The following IL17RB variants were observed in gnomAD, a reference collection of about 807,000 sequenced individuals.
The protein encoded by IL17RB is interleukin 17 receptor B, also known as interleukin-17 receptor B.
In IL17RB, 36 loss-of-function variants were observed where a neutral mutation model predicts 43.9. The ratio of observed to expected loss-of-function variants is 0.82; its 90% confidence interval spans 0.63 to 1.08. The LOEUF is 1.08. IL17RB is among the 50% of genes least tolerant of loss of function. The probability of loss-of-function intolerance (pLI) is 0.00; values close to 1 mark genes in which losing one functional copy is unlikely to be tolerated. For missense variants in IL17RB, 613 were observed against 613.6 expected, an observed-to-expected ratio of 1.00 and a Z score of 0.01; for synonymous variants, 225 against 225.4, an observed-to-expected ratio of 1.00 and a Z score of 0.02.
At chr3:53,848,831 C>T (rs975026661) in intron 2 of IL17RB, 143 bp downstream of exon 2, 2 of 910,402 alleles carry the variant, frequency 2.2e-6, no homozygotes, top group African/African-American at 1.6e-5. Context: ...GATGAAGTCT[C>T]TGTCTGCTCG....
At chr3:53,857,295 G>A (rs2107018043) in intron 7 of IL17RB, among the ~76,000 whole-genome samples, 1 of 152,212 alleles carries the variant, frequency 6.6e-6, no homozygotes, top group East Asian at 1.9e-4. Flanking sequence ...TTTTTGGGGG[G>A]CGGAGGTTGA....
At chr3:53,858,208 C>A in intron 8 of IL17RB, 1 of 297,640 alleles carries the variant, frequency 3.4e-6, no homozygotes. Flanking sequence ...TGGGACACAG[C>A]CACTCCCCAA....
rs1559779002 is a variant in IL17RB, at chr3:53,856,848, C to G, written c.534C>G (p.Ser178Arg). 6.2e-7 allele frequency: 1 copy of G among 1,614,100 alleles called. No individual in the cohort carries two copies. Among genetic ancestry groups the G allele is most frequent in the Non-Finnish European group, 8.5e-7 (1 of 1,180,002 alleles). Reference protein sequence around the residue: ...KYKKKCVKAGSLWDPNITACK... With the variant: ...KYKKKCVKAGRLWDPNITACK... ...TGGTTCTCTCTCAACTCACAGGAAG[C>G]CTGTGGGATCCGAACATCACTGCTT... is the stretch of plus-strand genomic sequence containing the variant. The change falls in exon 7 of 11, where the codon AGC becomes AGG. Residue 178 changes from serine to arginine, a missense_variant. Transcript: ENST00000288167.
intron 1 of IL17RB, among the ~76,000 whole-genome samples, chr3:53,847,824 C>T (rs568593736): frequency 6.6e-6 from 1 of 152,148 alleles, no homozygotes; most frequent in Admixed American, 6.5e-5. Context: ...CTGATGATAT[C>T]CCTTAGAGTT....
rs1576829660 is a variant in IL17RB, at chr3:53,852,069, T to C, written c.297T>C (p.Cys99=). The change falls in exon 4 of 11, where the codon TGT becomes TGC. Residue 99 remains cysteine (C), a synonymous_variant. Coordinates refer to ENST00000288167, the MANE Select transcript of IL17RB (RefSeq NM_018725.4). The part of the protein sequence containing the change: ...TGKSNFQSYS[C]VRCNYTEAFQ... ...AAAGCAACTTCCAGTCCTACAGCTG[T>C]GTGAGGTGCAATTACACAGAGGCCT... is the stretch of plus-strand genomic sequence containing the variant. 6.2e-7 allele frequency: 1 copy of C among 1,614,068 alleles called. No homozygotes were observed. The highest frequency in any genetic ancestry group is 8.5e-7 in the Non-Finnish European group (1 of 1,180,014).
At chr3:53,855,084 T>G (rs1042416016) in intron 5 of IL17RB, among the ~76,000 whole-genome samples, 2 of 121,984 alleles carry the variant, frequency 1.6e-5, no homozygotes, top group African/African-American at 6.6e-5. Flanking sequence ...GCCACTGCAC[T>G]CCAGCCTAGG....
Position 53,865,390 on chromosome 3 carries a change from T to C in IL17RB, c.*82T>C, listed in dbSNP as rs1259631700. The stretch of plus-strand genomic sequence containing the variant: ...AAAAACGTGTGATGATCCTGAAGCT[T>C]ACTATGCAGCCTACAAACAGCCTTA... On this transcript the variant is annotated 3_prime_UTR_variant, in exon 11 of 11. Transcript: ENST00000288167. 1 of 1,097,514 alleles carries C rather than the reference T, an allele frequency of 9.1e-7. No homozygotes were observed. The highest frequency in any genetic ancestry group is 2.5e-5 in the East Asian group (1 of 40,288). 68.0% of individuals were successfully genotyped at this position (1,097,514 alleles called of 1,614,324 possible). A position where few individuals can be genotyped will look rare whatever the true frequency, so the allele number is the denominator to read the frequency against.
In IL17RB at chr3:53,857,816, G is replaced by A. The variant is rs929336003; in HGVS notation, c.747+126G>A. On this transcript the variant is annotated intron_variant, in intron 8 of 10. Transcript: ENST00000288167. ...TGCCAGCAGACACCAGTTAAGTGGC[G>A]TTCATGGGGGCTCTTTCGCTGCAGC... The A allele has an allele frequency of 4.6e-5, 38 of 830,128 alleles. 1 individual carries two copies. Among genetic ancestry groups the A allele is most frequent in the South Asian group, 3.3e-4 (22 of 66,526 alleles). 51.4% of individuals were successfully genotyped at this position (830,128 alleles called of 1,614,324 possible).
chr3:53,847,225 GCA>G (rs1220620091), intron 1 of IL17RB, among the ~76,000 whole-genome samples: 1 of 152,156 alleles, frequency 6.6e-6, no homozygotes, highest in Non-Finnish European at 1.5e-5. Context: ...TCTTAGAATA[GCA>G]TATAGCATCA....
At chr3:53,847,486 A>AT (rs1559771485) in intron 1 of IL17RB, among the ~76,000 whole-genome samples, 1 of 17,912 alleles carries the variant, frequency 5.6e-5, no homozygotes, top group African/African-American at 1.2e-4. Flanking sequence ...CTCATTTGTT[A>AT]AAAAAAAAAA....
rs147935266 is a variant in IL17RB at position 53,858,360 on chromosome 3, T to G, written c.748-359T>G. On this transcript the variant is annotated intron_variant, in intron 8 of 10. Coordinates refer to ENST00000288167, the MANE Select transcript of IL17RB (RefSeq NM_018725.4). ...TTCCCTTACTACAGGGACTTGCATG[T>G]CCTAAAGCACTGGCTGAAGGAAGCC... The G allele has an allele frequency of 1.4e-3, 1,438 of 1,056,490 alleles. 16 individuals carry two copies. Among genetic ancestry groups the G allele is most frequent in the Non-Finnish European group, 8.7e-4 (762 of 872,074 alleles). The allele number at this position is 1,056,490 out of a possible 1,614,324, so 65.4% of individuals were successfully genotyped here.
In IL17RB at chr3:53,858,810, T is replaced by A. The variant is rs897423549; in HGVS notation, c.839T>A (p.Leu280Gln). 6.2e-7 allele frequency: 1 copy of A among 1,613,408 alleles called. No homozygotes were observed. Among genetic ancestry groups the A allele is most frequent in the African/African-American group, 1.3e-5 (1 of 74,912 alleles). The change falls in exon 9 of 11, where the codon CTG (leucine) becomes CAG (glutamine). Residue 280 changes from leucine to glutamine, a missense_variant. Coordinates refer to ENST00000288167, the MANE Select transcript of IL17RB (RefSeq NM_018725.4). ...LCPQTGVPFP[L>Q]DNNKSKPGGW... is the part of the protein sequence containing the mutation. ...CCACAAACAGGCGTCCCTTTCCCTC[T>A]GGATAACAGTAAGTGCCCAGTAACT...
At chr3:53,855,405 C>A in intron 6 of IL17RB, 64 bp downstream of exon 6, 3 of 1,154,128 alleles carry the variant, frequency 2.6e-6, no homozygotes, top group Non-Finnish European at 3.9e-6. Flanking sequence ...CAGCATAGCT[C>A]TCTTCATCTT....
chr3:53,862,399 T>C lies in IL17RB; in HGVS notation c.946+2171T>C, dbSNP rs537349463. ...ATTACATCACTGAAGATGCCATCAT[T>C]GTGACAGAGCAAGCCATGAAAGCCA... On this transcript the variant is annotated intron_variant, in intron 10 of 10. Coordinates refer to ENST00000288167, the MANE Select transcript of IL17RB (RefSeq NM_018725.4). Among the ~76,000 whole-genome samples, 38 of 152,306 alleles carry C rather than the reference T, an allele frequency of 2.5e-4. No individual in the cohort carries two copies. In the South Asian group the frequency reaches 7.3e-3, roughly 29 times the overall value.
chr3:53,850,675 C>T (rs986050639), intron 3 of IL17RB, among the ~76,000 whole-genome samples: 2 of 151,970 alleles, frequency 1.3e-5, no homozygotes, highest in Non-Finnish European at 2.9e-5. Context: ...CATGGTGGCA[C>T]ATGCCTGTAA....
In IL17RB at chr3:53,848,638, G is replaced by A. The variant is rs750348451; in HGVS notation, c.61-26G>A. ...GCTTGTGGTTTGCCGGCTTCAACGT[G>A]ACGCTTGGTTTTTTCTCTCCCACAG... On this transcript the variant is annotated intron_variant, in intron 1 of 10. Coordinates refer to ENST00000288167, the MANE Select transcript of IL17RB (RefSeq NM_018725.4). 14 of 1,478,778 alleles carry A rather than the reference G, an allele frequency of 9.5e-6. No individual in the cohort carries two copies. In the Middle Eastern group the frequency reaches 1.6e-3, roughly 164 times the overall value. 91.6% of individuals were successfully genotyped at this position (1,478,778 alleles called of 1,614,324 possible).
intron 8 of IL17RB, chr3:53,858,446 A>G: frequency 7.9e-7 from 1 of 1,268,478 alleles, no homozygotes; most frequent in Non-Finnish European, 1.0e-6. Flanking sequence ...GTAAGATATG[A>G]CCTAGCCCTT....
In IL17RB at chr3:53,858,762, A is replaced by T; in HGVS notation, c.791A>T (p.His264Leu). ...ACTTGTGGCAGCGACTGCATCCGAC[A>T]TAAAGGAACAGTTGTGCTCTGCCCA... ...FPTCGSDCIR[H>L]KGTVVLCPQT... Residue 264 changes from histidine (H) to leucine (L), a missense_variant, in exon 9 of 11, where the codon CAT becomes CTT. By Grantham distance (99) the His-to-Leu change is moderately conservative (BLOSUM62 -3). Transcript: ENST00000288167. 5 of 1,614,216 alleles carry T rather than the reference A, an allele frequency of 3.1e-6. No homozygotes were observed. Among genetic ancestry groups the T allele is most frequent in the Non-Finnish European group, 4.2e-6 (5 of 1,180,038 alleles).
intron 10 of IL17RB, among the ~76,000 whole-genome samples, chr3:53,863,872 G>C (rs568138911): frequency 1.3e-5 from 2 of 150,912 alleles, no homozygotes; most frequent in South Asian, 4.2e-4. Context: ...GCCCAGGCTG[G>C]AGTGGAATGG....
Sources: gnomAD v4.1 joint callset for allele counts (sites outside exome capture counted in the v4.1 genomes callset) on GRCh38, gnomAD v4.1.1 for gene constraint, MANE v1.5 for transcripts, NCBI Gene and HGNC (gene_info 2026-07-23, HGNC 2026-07-21) for gene names.